FREM2: variants seen among roughly 807,000 people sequenced by gnomAD.
The protein encoded by FREM2 is FRAS1 related extracellular matrix 2, also known as FRAS1-related extracellular matrix protein 2.
FREM2 carries 119 observed loss-of-function variants against 219.9 expected under a neutral mutation model. That is an observed-to-expected ratio of 0.54 (90% confidence interval 0.47 to 0.63). The LOEUF (loss-of-function observed/expected upper bound fraction) is 0.63, where lower values mean the gene tolerates loss of function less well. FREM2 is among the 30% of genes least tolerant of loss of function. The probability of loss-of-function intolerance (pLI) is 0.00; values close to 1 mark genes in which losing one functional copy is unlikely to be tolerated. For missense variants in FREM2, 4,030 were observed against 3,993.6 expected (o/e 1.01, Z -0.25); for synonymous variants, 1,562 against 1,522.8 (o/e 1.03, Z -0.60).
At chr13:38,877,504 G>A (rs924559853) in intron 21 of FREM2, among the ~76,000 whole-genome samples, 6 of 152,026 alleles carry the variant, frequency 3.9e-5, no homozygotes, top group Admixed American at 2.6e-4. Flanking sequence ...TGATTTTCTC[G>A]AATGTTTTTT....
At chr13:38,789,829 T>G (rs890588600) in intron 6 of FREM2, among the ~76,000 whole-genome samples, 2 of 150,854 alleles carry the variant, frequency 1.3e-5, no homozygotes, top group African/African-American at 4.8e-5. Flanking sequence ...AATTTAGATA[T>G]TTATTTTATA....
At chr13:38,764,243 A>G in intron 2 of FREM2, 61 bp from the exon 3 acceptor site, 2 of 1,184,550 alleles carry the variant, frequency 1.7e-6, no homozygotes, top group Non-Finnish European at 2.5e-6. Context: ...AATCTGTGGA[A>G]TTTTGAAGAT....
intron 18 of FREM2, 78 bp downstream of exon 18, chr13:38,874,664 G>T (rs1169772888): frequency 1.6e-5 from 18 of 1,143,892 alleles, no homozygotes; most frequent in Non-Finnish European, 2.1e-5. Context: ...ATTTCAGCGT[G>T]CTTCTCTGTT....
intron 2 of FREM2, among the ~76,000 whole-genome samples, chr13:38,761,603 A>G (rs1215151692): frequency 1.3e-5 from 2 of 152,228 alleles, no homozygotes; most frequent in Admixed American, 6.5e-5. Flanking sequence ...GTAAATTAAT[A>G]CAATTAAATA....
At chr13:38,758,298 T>A (rs1185572153) in intron 2 of FREM2, among the ~76,000 whole-genome samples, 1 of 152,232 alleles carries the variant, frequency 6.6e-6, no homozygotes, top group Non-Finnish European at 1.5e-5. Context: ...TTATCTCTCT[T>A]CTTATACCTA....
intron 6 of FREM2, among the ~76,000 whole-genome samples, chr13:38,819,885 A>ATAC (rs1449108870): frequency 6.6e-6 from 1 of 152,174 alleles, no homozygotes; most frequent in Non-Finnish European, 1.5e-5. Flanking sequence ...ACTTCATATT[A>ATAC]TACTAGCAGT....
rs1327667797 is a variant in FREM2, at chr13:38,812,629, C to A, written c.6019+27821C>A. On this transcript the variant is annotated intron_variant, in intron 6 of 23. Coordinates refer to ENST00000280481, the MANE Select transcript of FREM2 (RefSeq NM_207361.6). The stretch of plus-strand genomic sequence containing the variant: ...GGCATGGAGGCTCATACCTGTAATC[C>A]CAACATGTTGGGAGGCTAAGGCAGG... 8.5e-5 allele frequency among the ~76,000 whole-genome samples: 13 copies of A among 152,134 alleles called. No homozygotes were observed. The South Asian group carries it at 1.5e-3, about 17-fold the overall frequency.
chr13:38,853,678 A>T (rs1358631595), intron 11 of FREM2, among the ~76,000 whole-genome samples: 2 of 152,232 alleles, frequency 1.3e-5, no homozygotes, highest in Non-Finnish European at 2.9e-5. Context: ...GAACTACTCT[A>T]GAGCTTCAAA....
intron 2 of FREM2, among the ~76,000 whole-genome samples, chr13:38,760,193 A>G (rs1180141373): frequency 1.3e-5 from 2 of 152,218 alleles, no homozygotes; most frequent in African/African-American, 2.4e-5. Context: ...TGGGAATTCT[A>G]AATTTTCTAT....
intron 2 of FREM2, among the ~76,000 whole-genome samples, chr13:38,703,367 C>T (rs567475831): frequency 1.6e-4 from 25 of 152,272 alleles, no homozygotes; most frequent in African/African-American, 5.3e-4. Context: ...GGGAAAGATG[C>T]TAGTGCCTTA....
chr13:38,745,744 G>T (rs987685339), intron 2 of FREM2, among the ~76,000 whole-genome samples: 2 of 152,076 alleles, frequency 1.3e-5, no homozygotes, highest in Non-Finnish European at 2.9e-5. Context: ...TTTTAATCTC[G>T]CTTCTGCTTT....
intron 16 of FREM2, 134 bp from the exon 17 acceptor site, chr13:38,872,608 A>T (rs1013508793): frequency 1.5e-5 from 11 of 726,644 alleles, no homozygotes; most frequent in Middle Eastern, 3.6e-4. Context: ...TAGTGTTATA[A>T]AATGCTGTCA....
rs115751999 is a variant in FREM2 at position 38,824,082 on chromosome 13, A to G, written c.6020-22491A>G. Among the ~76,000 whole-genome samples the G allele has an allele frequency of 7.8e-3, 1,189 of 152,256 alleles. 11 individuals carry two copies. Among genetic ancestry groups the G allele is most frequent in the African/African-American group, 0.027 (1,122 of 41,558 alleles). The stretch of plus-strand genomic sequence containing the variant: ...AGTGATTATTCAAGTGAAAGGAAGA[A>G]AGAAACTTTAAGATCAAATACCGGT... On this transcript the variant is annotated intron_variant, in intron 6 of 23. Transcript: ENST00000280481.
At chr13:38,816,760 C>A (rs1422070161) in intron 6 of FREM2, among the ~76,000 whole-genome samples, 1 of 152,046 alleles carries the variant, frequency 6.6e-6, no homozygotes, top group East Asian at 1.9e-4. Flanking sequence ...AAAAGGCATT[C>A]AAATTTGAAA....
chr13:38,874,949 C>A (rs529119333), intron 18 of FREM2, among the ~76,000 whole-genome samples: 1 of 152,174 alleles, frequency 6.6e-6, no homozygotes, highest in Admixed American at 6.5e-5. Flanking sequence ...GCAAGCACTT[C>A]TCTTTTCACA....
chr13:38,782,601 A>G (rs987712367), intron 4 of FREM2, among the ~76,000 whole-genome samples: 8 of 152,238 alleles, frequency 5.3e-5, no homozygotes. Flanking sequence ...CAGACATTTC[A>G]AGATCTGAGT....
At chr13:38,764,636 G>A (rs1873364663) in intron 3 of FREM2, among the ~76,000 whole-genome samples, 186 bp downstream of exon 3, 1 of 152,108 alleles carries the variant, frequency 6.6e-6, no homozygotes, top group Non-Finnish European at 1.5e-5. Flanking sequence ...AGCCTTCTGT[G>A]TACATATGAT....
chr13:38,778,257 C>T lies in FREM2; in HGVS notation c.5642-4813C>T, dbSNP rs565944818. Among the ~76,000 whole-genome samples the T allele has an allele frequency of 2.0e-5, 3 of 152,258 alleles. No homozygotes were observed. The East Asian group carries it at 5.8e-4, about 29-fold the overall frequency. The stretch of plus-strand genomic sequence containing the variant: ...AGACTGGGGTGGCTTAAACAACAGA[C>T]ATTTCTTTCTCACAGTTCTGGAGGC... On this transcript the variant is annotated intron_variant, in intron 4 of 23. Coordinates refer to ENST00000280481, the MANE Select transcript of FREM2 (RefSeq NM_207361.6).
At chr13:38,783,035 C>G (rs773307134) in intron 4 of FREM2, 35 bp from the exon 5 acceptor site, 4 of 1,611,296 alleles carry the variant, frequency 2.5e-6, no homozygotes, top group Non-Finnish European at 3.4e-6. Flanking sequence ...GAAGCTCAGA[C>G]AAAAATAATG....
Sources: allele counts gnomAD v4.1 joint callset (sites outside exome capture counted in the v4.1 genomes callset), GRCh38; gene constraint gnomAD v4.1.1; transcripts MANE v1.5; gene names NCBI Gene and HGNC (gene_info 2026-07-23, HGNC 2026-07-21).